KIAA0586: variants seen among roughly 807,000 people sequenced by gnomAD.
KIAA0586 encodes KIAA0586.
In KIAA0586, 144 loss-of-function variants were observed where a neutral mutation model predicts 169.8. That is an observed-to-expected ratio of 0.85 (90% CI 0.74 to 0.97). The LOEUF (loss-of-function observed/expected upper bound fraction) is 0.97. Ranked by LOEUF, KIAA0586 falls within the 50% of genes least tolerant of loss-of-function variation. The probability of loss-of-function intolerance (pLI) is 0.00; values close to 1 mark genes in which losing one functional copy is unlikely to be tolerated. For missense variants in KIAA0586, 1,854 were observed against 1,823.0 expected (o/e 1.02, Z -0.31); for synonymous variants, 625 against 612.4 (o/e 1.02, Z -0.30).
chr14:58,527,032 CA>C (rs1456726605), intron 29 of KIAA0586, among the ~76,000 whole-genome samples: 1 of 151,968 alleles, frequency 6.6e-6, no homozygotes, highest in Admixed American at 6.6e-5. Flanking sequence ...AGCTGAAAAA[CA>C]CAGCTCCAGA....
intron 16 of KIAA0586, among the ~76,000 whole-genome samples, chr14:58,470,076 ATGTGTG>A (rs3041104): frequency 2.0e-5 from 3 of 149,006 alleles, no homozygotes; most frequent in African/African-American, 7.4e-5. Context: ...TAGGAAGAAA[ATGTGTG>A]TGTGTGTGTG....
At chr14:58,526,372 A>T (rs1230957304) in intron 29 of KIAA0586, among the ~76,000 whole-genome samples, 3 of 152,208 alleles carry the variant, frequency 2.0e-5, no homozygotes, top group Non-Finnish European at 2.9e-5. Flanking sequence ...AACAGGCAGC[A>T]ATCTTTGCTG....
At chr14:58,554,299 G>A (rs2047232348), downstream of KIAA0586, among the ~76,000 whole-genome samples, 1 of 152,076 alleles carries the variant, frequency 6.6e-6, no homozygotes, top group South Asian at 2.1e-4. Flanking sequence ...TAGGGAACAT[G>A]CATATGGAAT....
intron 18 of KIAA0586, among the ~76,000 whole-genome samples, chr14:58,473,964 G>A (rs2041418982): frequency 6.6e-6 from 1 of 151,892 alleles, no homozygotes; most frequent in African/African-American, 2.4e-5. Flanking sequence ...GGCTGTACAA[G>A]AAGCATGGTG....
intron 21 of KIAA0586, among the ~76,000 whole-genome samples, chr14:58,486,668 A>G (rs1011191647): frequency 6.6e-6 from 1 of 152,252 alleles, no homozygotes; most frequent in African/African-American, 2.4e-5. Context: ...AATTTTAAAA[A>G]CAAACAACTA....
intron 4 of KIAA0586, chr14:58,440,300 CT>C: frequency 2.7e-6 from 1 of 373,272 alleles, no homozygotes. Flanking sequence ...CTCTCTCTCT[CT>C]CTCTTCCTCC....
In KIAA0586 at chr14:58,472,232, G is replaced by A; in HGVS notation, c.2587G>A (p.Val863Met). 6.3e-7 allele frequency: 1 copy of A among 1,588,408 alleles called. No homozygotes were observed. Among genetic ancestry groups the A allele is most frequent in the Non-Finnish European group, 8.6e-7 (1 of 1,167,938 alleles). ...AATTATGAAGGTAGATGAAGAAGAG[G>A]TGAAGTTTCCAGGAACTAACTTTGA... ...PEIMKVDEEEVKFPGTNFDEI... is the reference protein window; with the variant it reads ...PEIMKVDEEEMKFPGTNFDEI... The change falls in exon 18 of 31, where the codon GTG becomes ATG. Residue 863 changes from valine (V) to methionine (M), a missense_variant. Val to Met is a conservative substitution (Grantham distance 21). Coordinates refer to ENST00000652326, the MANE Select transcript of KIAA0586 (RefSeq NM_001329943.3).
intron 20 of KIAA0586, among the ~76,000 whole-genome samples, chr14:58,481,419 T>C (rs1183637102): frequency 6.6e-6 from 1 of 152,240 alleles, no homozygotes; most frequent in Admixed American, 6.5e-5. Context: ...ATAGGACATC[T>C]GATAACAAGC....
rs199982600 is a variant in KIAA0586, at chr14:58,488,867, C to G, written c.3774C>G (p.Ala1258=). ...TATTTAGCTGTGGTCAAAAATTGGC[C>G]CCCAAGAGTAAGTTAATTTGTATTA... ...EILFSCGQKL[A]PKILEDIGLY... The change falls in exon 24 of 31, where the codon GCC becomes GCG. Residue 1258 remains alanine (A), a synonymous_variant. Coordinates refer to ENST00000652326, the MANE Select transcript of KIAA0586 (RefSeq NM_001329943.3). The G allele has an allele frequency of 4.5e-5, 73 of 1,613,250 alleles. No individual in the cohort carries two copies. The East Asian group carries it at 1.5e-3, about 34-fold the overall frequency.
chr14:58,485,154 C>A (rs944221383), intron 21 of KIAA0586, among the ~76,000 whole-genome samples: 1 of 150,298 alleles, frequency 6.7e-6, no homozygotes, highest in Non-Finnish European at 1.5e-5. Flanking sequence ...GAACTCCTGA[C>A]CTCGTGATCT....
chr14:58,447,515 C>G (rs1179542823), intron 6 of KIAA0586, among the ~76,000 whole-genome samples: 1 of 150,628 alleles, frequency 6.6e-6, no homozygotes, highest in Non-Finnish European at 1.5e-5. Flanking sequence ...GAGTCCTGCT[C>G]TGTCACCCAG....
chr14:58,538,161 AAAAC>A (rs957543916), intron 29 of KIAA0586, among the ~76,000 whole-genome samples: 2 of 152,190 alleles, frequency 1.3e-5, no homozygotes, highest in South Asian at 2.1e-4. Flanking sequence ...ATTTCTTTAA[AAAAC>A]AAACAAACAA....
intron 29 of KIAA0586, among the ~76,000 whole-genome samples, chr14:58,517,330 C>T (rs185215395): frequency 1.1e-3 from 175 of 152,250 alleles, no homozygotes; most frequent in African/African-American, 3.9e-3. Flanking sequence ...TGAACAGATA[C>T]TTCACCAAAA....
At chr14:58,529,531 G>C (rs113800006) in intron 29 of KIAA0586, among the ~76,000 whole-genome samples, 1 of 152,108 alleles carries the variant, frequency 6.6e-6, no homozygotes, top group African/African-American at 2.4e-5. Context: ...CTTCATCCCT[G>C]GGGTGCAAGG....
Position 58,482,671 on chromosome 14 carries a change from G to A in KIAA0586, c.3103G>A (p.Gly1035Ser). ...EAKKQGPVAT[G>S]VSGDASTNET... ...AAAGAAGCAAGGTCCTGTTGCTACA[G>A]GTGTTTCTGGGGATGCTTCAACAAA... The change falls in exon 21 of 31, where the codon GGT becomes AGT. Residue 1035 changes from glycine (G) to serine (S), a missense_variant. Transcript: ENST00000652326. 2 of 1,588,426 alleles carry A rather than the reference G, an allele frequency of 1.3e-6. No individual in the cohort carries two copies. Among genetic ancestry groups the A allele is most frequent in the Non-Finnish European group, 1.7e-6 (2 of 1,169,224 alleles).
chr14:58,457,372 A>G (rs1050398103), intron 10 of KIAA0586, among the ~76,000 whole-genome samples: 1 of 152,054 alleles, frequency 6.6e-6, no homozygotes, highest in Admixed American at 6.5e-5. Context: ...GGTTCAAGCA[A>G]TTCTTCTACC....
At chr14:58,498,664 C>T (rs527755106) in intron 26 of KIAA0586, 119 bp from the exon 27 acceptor site, 2 of 744,674 alleles carry the variant, frequency 2.7e-6, no homozygotes, top group East Asian at 5.9e-5. Flanking sequence ...GCATAGAAGG[C>T]AGTTTGTAAA....
chr14:58,544,877 T>G (rs955175049), intron 30 of KIAA0586, among the ~76,000 whole-genome samples: 1 of 152,254 alleles, frequency 6.6e-6, no homozygotes, highest in Non-Finnish European at 1.5e-5. Flanking sequence ...GATATCAGAA[T>G]ACTCAGAGTT....
At chr14:58,451,421 T>G (rs2039379436) in intron 8 of KIAA0586, among the ~76,000 whole-genome samples, 1 of 151,572 alleles carries the variant, frequency 6.6e-6, no homozygotes, top group Non-Finnish European at 1.5e-5. Context: ...GAGATGGGGT[T>G]TCACTATGTT....
Sources: gnomAD v4.1 joint callset for allele counts (sites outside exome capture counted in the v4.1 genomes callset) on GRCh38, gnomAD v4.1.1 for gene constraint, MANE v1.5 for transcripts, NCBI Gene and HGNC (gene_info 2026-07-23, HGNC 2026-07-21) for gene names.